Variants in XKR9 observed in about 807,000 individuals in gnomAD.
XKR9 encodes XK related 9, also known as XK-related protein 9.
In XKR9, 32 loss-of-function variants were observed where a neutral mutation model predicts 32.0. The observed-to-expected ratio is 1.00, with a 90% CI of 0.76 to 1.34. XKR9 has a LOEUF of 1.34. XKR9 is among the 40% of genes most tolerant of loss of function. The probability of loss-of-function intolerance (pLI) is 0.00; values close to 1 mark genes in which losing one functional copy is unlikely to be tolerated. For synonymous variants in XKR9, 168 were observed against 143.4 expected, an observed-to-expected ratio of 1.17 and a Z score of -1.22; for missense variants, 546 against 429.7, an observed-to-expected ratio of 1.27 and a Z score of -2.39.
chr8:70,979,609 C>T, the XKR9 span, among the ~76,000 whole-genome samples: 2 of 152,196 alleles, frequency 1.3e-5, no homozygotes, highest in Admixed American at 6.5e-5. Context: ...AAATATTGTG[C>T]CTGATCCTTC....
At chr8:70,950,008 C>T in the XKR9 span, among the ~76,000 whole-genome samples, 1 of 152,230 alleles carries the variant, frequency 6.6e-6, no homozygotes, top group African/African-American at 2.4e-5. Context: ...CTTGCTCATT[C>T]TTCCCTGCTA....
chr8:70,742,304 A>C (rs766997480), intron 2 of XKR9, among the ~76,000 whole-genome samples: 15 of 152,290 alleles, frequency 9.8e-5, no homozygotes, highest in Non-Finnish European at 2.1e-4. Context: ...TCTTCGGTTT[A>C]CCTTGGGCAC....
At chr8:70,739,017 G>A (rs1032335137), downstream of XKR9, among the ~76,000 whole-genome samples, 6 of 151,922 alleles carry the variant, frequency 3.9e-5, no homozygotes, top group African/African-American at 1.5e-4. Context: ...TCAATTCCTG[G>A]GTATCCTTGT....
At chr8:70,938,372 G>A in the XKR9 span, among the ~76,000 whole-genome samples, 1 of 151,864 alleles carries the variant, frequency 6.6e-6, no homozygotes, top group Non-Finnish European at 1.5e-5. Flanking sequence ...GTAGAAGATG[G>A]TGCTGTGCAT....
At chr8:70,996,418 G>A in the XKR9 span, among the ~76,000 whole-genome samples, 1 of 151,996 alleles carries the variant, frequency 6.6e-6, no homozygotes, top group Admixed American at 6.5e-5. Context: ...AAGTGTATGA[G>A]TTAGCTGTTA....
intron 1 of XKR9, among the ~76,000 whole-genome samples, chr8:70,671,268 G>A (rs887718333): frequency 6.6e-6 from 1 of 151,970 alleles, no homozygotes; most frequent in Non-Finnish European, 1.5e-5. Flanking sequence ...TTCTATGCAT[G>A]GATTATTTCA....
At chr8:70,780,197 C>A (rs1456349341) in intron 2 of XKR9, among the ~76,000 whole-genome samples, 1 of 151,526 alleles carries the variant, frequency 6.6e-6, no homozygotes, top group Non-Finnish European at 1.5e-5. Flanking sequence ...CATGAACTGG[C>A]TTATATTTAA....
At chr8:70,902,610 T>G in the XKR9 span, among the ~76,000 whole-genome samples, 1 of 152,170 alleles carries the variant, frequency 6.6e-6, no homozygotes, top group Non-Finnish European at 1.5e-5. Flanking sequence ...CAGGGAAAAT[T>G]TGAATACCCT....
At chr8:70,793,623 A>G (rs541234028), downstream of XKR9, among the ~76,000 whole-genome samples, 36 of 152,276 alleles carry the variant, frequency 2.4e-4, no homozygotes, top group African/African-American at 8.4e-4. Flanking sequence ...GCAACAGAAG[A>G]TGGACTATAA....
the XKR9 span, among the ~76,000 whole-genome samples, chr8:70,808,355 A>C: frequency 6.6e-6 from 1 of 152,182 alleles, no homozygotes; most frequent in South Asian, 2.1e-4. Context: ...TCCAGTCTAC[A>C]GCTCCCAGCA....
chr8:70,872,600 T>C, the XKR9 span, among the ~76,000 whole-genome samples: 1 of 152,264 alleles, frequency 6.6e-6, no homozygotes, highest in Admixed American at 6.5e-5. Context: ...AAAGGAGAAA[T>C]CAATGCCTGG....
chr8:70,810,003 T>A, the XKR9 span, among the ~76,000 whole-genome samples: 3 of 152,074 alleles, frequency 2.0e-5, no homozygotes, highest in East Asian at 5.8e-4. Flanking sequence ...TTCACCAAAG[T>A]TGAAATGAAG....
chr8:70,802,036 A>G, the XKR9 span, among the ~76,000 whole-genome samples: 1 of 150,332 alleles, frequency 6.7e-6, no homozygotes, highest in Non-Finnish European at 1.5e-5. Context: ...TCCCAGGTTC[A>G]CGCCATTCTC....
At chr8:70,674,199 G>C (rs1818813650) in intron 1 of XKR9, among the ~76,000 whole-genome samples, 1 of 152,090 alleles carries the variant, frequency 6.6e-6, no homozygotes, top group Non-Finnish European at 1.5e-5. Context: ...GTAAATACTA[G>C]AAGAGAAGTA....
chr8:70,733,659 A>C (rs1806746667), intron 4 of XKR9, 137 bp from the exon 5 acceptor site: 4 of 863,242 alleles, frequency 4.6e-6, no homozygotes, highest in Non-Finnish European at 4.8e-6. Flanking sequence ...TATCTACTTC[A>C]AAAGATTAGA....
chr8:71,060,335 C>G, the XKR9 span, among the ~76,000 whole-genome samples: 1 of 152,154 alleles, frequency 6.6e-6, no homozygotes, highest in Non-Finnish European at 1.5e-5. Flanking sequence ...TTGACAGAGC[C>G]AGTAACATTT....
At chr8:70,738,449 T>A (rs976062703), downstream of XKR9, among the ~76,000 whole-genome samples, 3 of 149,064 alleles carry the variant, frequency 2.0e-5, no homozygotes, top group African/African-American at 4.9e-5. Context: ...TTTTGAAGGG[T>A]TTTTTGTGTC....
chr8:70,883,312 C>A, the XKR9 span, among the ~76,000 whole-genome samples: 1 of 152,060 alleles, frequency 6.6e-6, no homozygotes, highest in African/African-American at 2.4e-5. Context: ...ACATTTCATT[C>A]CTTTTCATGG....
intron 2 of XKR9, among the ~76,000 whole-genome samples, chr8:70,747,600 AGCCTCCTGAACT>A (rs1348327016): frequency 1.3e-5 from 2 of 152,202 alleles, no homozygotes; most frequent in African/African-American, 4.8e-5. Flanking sequence ...TGGACTTCCC[AGCCTCCTGAACT>A]GTAAGAAACA....
Sources: gnomAD v4.1 joint callset for allele counts (sites outside exome capture counted in the v4.1 genomes callset) on GRCh38, gnomAD v4.1.1 for gene constraint, MANE v1.5 for transcripts, NCBI Gene and HGNC (gene_info 2026-07-23, HGNC 2026-07-21) for gene names.